Variants in PER2 observed in about 807,000 individuals in gnomAD.
The protein encoded by PER2 is period circadian protein homolog 2.
A neutral mutation model predicts 121.0 loss-of-function variants in PER2; 66 were observed. The ratio of observed to expected loss-of-function variants is 0.55; its 90% confidence interval spans 0.45 to 0.67. The LOEUF (loss-of-function observed/expected upper bound fraction) is 0.67. PER2 is among the 30% of genes least tolerant of loss of function. The pLI, the probability that PER2 is intolerant of heterozygous loss-of-function variation, is 0.00. For synonymous variants in PER2, 684 were observed against 659.9 expected (o/e 1.04, Z -0.56); for missense variants, 1,521 against 1,635.0 (o/e 0.93, Z 1.20).
rs1696067646 is a variant in PER2, at chr2:238,265,595, A to G, written c.968-5T>C. 1 of 1,550,016 alleles carries G rather than the reference A, an allele frequency of 6.5e-7. No homozygotes were observed. Among genetic ancestry groups the G allele is most frequent in the African/African-American group, 1.4e-5 (1 of 73,702 alleles). Reference sequence around the variant, plus strand: ...TTTCAGGAGGAATTCTAGGGGCTGAAAGAACAGAATATTGCACACATTTGT... The same window carrying G: ...TTTCAGGAGGAATTCTAGGGGCTGAGAGAACAGAATATTGCACACATTTGT... On this transcript the variant is annotated splice_region_variant and splice_polypyrimidine_tract_variant and intron_variant, in intron 8 of 22. Coordinates refer to ENST00000254657, the MANE Select transcript of PER2 (RefSeq NM_022817.3).
At position 238,246,736 on chromosome 2, in the gene PER2, C is replaced by T. The variant is rs999657692; in HGVS notation, c.3619-212G>A. On this transcript the variant is annotated intron_variant, in intron 22 of 22. Transcript: ENST00000254657. The stretch of plus-strand genomic sequence containing the variant: ...CTAATAATACAAAAAATTAGCTGGG[C>T]GTGGTGGCAGGCACCTGTAGTCCCA... Among the ~76,000 whole-genome samples, 5 of 152,260 alleles carry T rather than the reference C, an allele frequency of 3.3e-5. No homozygotes were observed. The East Asian group carries it at 5.8e-4, about 18-fold the overall frequency.
rs1388038662 is a variant in PER2, at chr2:238,277,906, G to A, written c.31C>T (p.Pro11Ser). Residue 11 changes from proline to serine, a missense_variant, in exon 2 of 23, where the codon CCC becomes TCC. By Grantham distance (74) the Pro-to-Ser change is moderately conservative. Transcript: ENST00000254657. MNGYAEFPPSPSNPTKEPVEP... is the reference protein window; with the variant it reads MNGYAEFPPSSSNPTKEPVEP... ...ACGGGCTCCTTGGTGGGGTTACTGG[G>A]GCTGGGCGGAAATTCCGCGTATCCA... 1 of 1,613,998 alleles carries A rather than the reference G, an allele frequency of 6.2e-7. No individual in the cohort carries two copies. The highest frequency in any genetic ancestry group is 8.5e-7 in the Non-Finnish European group (1 of 1,180,038).
chr2:238,299,487 A>T, the PER2 span: 1 of 152,258 alleles, frequency 6.6e-6, no homozygotes, highest in Non-Finnish European at 1.5e-5. Context: ...GGTTGCAGTG[A>T]GTCGAGATCA....
chr2:238,255,445 T>C, intron 18 of PER2: 1 of 632,310 alleles, frequency 1.6e-6, no homozygotes. Context: ...CTGGGACTAT[T>C]CCCCAGGGAA....
intron 1 of PER2, among the ~76,000 whole-genome samples, chr2:238,283,168 G>GC (rs1229523877): frequency 2.6e-5 from 4 of 152,208 alleles, no homozygotes; most frequent in African/African-American, 9.6e-5. Context: ...GGCAGAAAAT[G>GC]CCCCCTCCCT....
At position 238,288,367 on chromosome 2, in the gene PER2, C is replaced by G. The variant is rs903338231; in HGVS notation, c.-38G>C. ...GCCTCACCTTTCGGACCTCAGGCTCCTGAGCTGCGAAGCGGGGGTTCGAGT... is the reference window on the plus strand; with the variant it reads ...GCCTCACCTTTCGGACCTCAGGCTCGTGAGCTGCGAAGCGGGGGTTCGAGT... On this transcript the variant is annotated 5_prime_UTR_variant, in exon 1 of 23. Coordinates refer to ENST00000254657, the MANE Select transcript of PER2 (RefSeq NM_022817.3). The G allele has an allele frequency of 2.0e-5, 3 of 152,288 alleles. No homozygotes were observed. The highest frequency in any genetic ancestry group is 7.2e-5 in the African/African-American group (3 of 41,472). The allele number at this position is 152,288 out of a possible 1,614,324, so 9.4% of individuals were successfully genotyped here.
In PER2 at chr2:238,248,275, G is replaced by A. The variant is rs1002902149; in HGVS notation, c.3618+787C>T. ...AGGACTGAGAAGTGACACTGTGTTC[G>A]GCTGCTGGAGAACTTGAGACCTTGA... On this transcript the variant is annotated intron_variant, in intron 22 of 22. Coordinates refer to ENST00000254657, the MANE Select transcript of PER2 (RefSeq NM_022817.3). Among the ~76,000 whole-genome samples, 7 of 152,206 alleles carry A rather than the reference G, an allele frequency of 4.6e-5. 1 individual carries two copies. The highest frequency in any genetic ancestry group is 2.0e-4 in the Admixed American group (3 of 15,290).
At chr2:238,266,288 C>CT (rs1164812441) in intron 8 of PER2, among the ~76,000 whole-genome samples, 1,835 of 140,676 alleles carry the variant, frequency 0.013, 34 homozygotes, top group African/African-American at 0.039. Context: ...ATTCAAATTT[C>CT]TTTTTTTTTT....
chr2:238,262,488 ACCT>A (rs916741598), intron 10 of PER2, 144 bp from the exon 11 acceptor site: 29 of 747,446 alleles, frequency 3.9e-5, no homozygotes, highest in Non-Finnish European at 6.0e-5. Flanking sequence ...ACTGCTTTCA[ACCT>A]CCTGTTTTTG....
At chr2:238,281,025 G>T (rs111485026) in intron 1 of PER2, among the ~76,000 whole-genome samples, 4,595 of 145,458 alleles carry the variant, frequency 0.032, 135 homozygotes, top group South Asian at 0.068. Flanking sequence ...TTTTTTTTGA[G>T]AGGGAGTCTT....
chr2:238,268,331 C>A lies in PER2; in HGVS notation c.825-133G>T, dbSNP rs2106313951. On this transcript the variant is annotated intron_variant, in intron 7 of 22. Coordinates refer to ENST00000254657, the MANE Select transcript of PER2 (RefSeq NM_022817.3). The surrounding 1 kb of genome is among the most constrained non-coding windows in gnomAD (Gnocchi z 4.0). Reference sequence around the variant, plus strand: ...CTCTGCTCTGCCTGAGGAGCTGGGCCTGCCCCCTGCCCTCTTCGGTCCCTC... The same window carrying A: ...CTCTGCTCTGCCTGAGGAGCTGGGCATGCCCCCTGCCCTCTTCGGTCCCTC... The A allele has an allele frequency of 3.4e-6, 3 of 877,558 alleles. No individual in the cohort carries two copies. The South Asian group carries it at 4.3e-5, about 12-fold the overall frequency. 54.4% of individuals were successfully genotyped at this position (877,558 alleles called of 1,614,324 possible). A position where few individuals can be genotyped will look rare whatever the true frequency, so the allele number is the denominator to read the frequency against.
rs769722840 is a variant in PER2, at chr2:238,257,065, A to C, written c.1922T>G (p.Val641Gly). 1.2e-6 allele frequency: 2 copies of C among 1,612,716 alleles called. No individual in the cohort carries two copies. The highest frequency in any genetic ancestry group is 1.1e-5 in the South Asian group (1 of 91,064). ...HAGEAEPPSR[V>G]NSRTGVGTHL... is the part of the protein sequence containing the mutation. ...CGTACCTACTCCCGTGCGGCTGTTCACCCTGGAGGGCGGCTCTGCCTCTTC... is the reference window on the plus strand; with the variant it reads ...CGTACCTACTCCCGTGCGGCTGTTCCCCCTGGAGGGCGGCTCTGCCTCTTC... Residue 641 changes from valine to glycine, a missense_variant, in exon 17 of 23, where the codon GTG becomes GGG. Coordinates refer to ENST00000254657, the MANE Select transcript of PER2 (RefSeq NM_022817.3).
chr2:238,247,680 G>A (rs957636293), intron 22 of PER2, among the ~76,000 whole-genome samples: 14 of 152,228 alleles, frequency 9.2e-5, no homozygotes, highest in African/African-American at 3.4e-4. Context: ...CTGGGCATGT[G>A]CGAAGATCCT....
rs989732939 is a variant in PER2, at chr2:238,252,377, G to T, written c.3111+535C>A. ...CTGGCGTTCCCACACACTTGAGCTC[G>T]TTCAGAAACACAAGCGTTTAACTGC... On this transcript the variant is annotated intron_variant, in intron 19 of 22. Transcript: ENST00000254657. This position sits in a 1 kb window ranked among gnomAD's most constrained non-coding sequence, Gnocchi z 4.2. Among the ~76,000 whole-genome samples, 1 of 152,218 alleles carries T rather than the reference G, an allele frequency of 6.6e-6. No homozygotes were observed. The highest frequency in any genetic ancestry group is 1.5e-5 in the Non-Finnish European group (1 of 68,048).
At chr2:238,269,622 C>A (rs1430819683) in intron 6 of PER2, among the ~76,000 whole-genome samples, 2 of 151,414 alleles carry the variant, frequency 1.3e-5, no homozygotes, top group Admixed American at 6.6e-5. Flanking sequence ...AACACACTCA[C>A]GGTGCACTGC....
At chr2:238,262,103 C>T (rs1695951025) in intron 11 of PER2, 88 bp downstream of exon 11, 2 of 1,302,038 alleles carry the variant, frequency 1.5e-6, no homozygotes, top group African/African-American at 1.5e-5. Flanking sequence ...CTCAGCCCCT[C>T]CCTATGCCAT....
At chr2:238,280,241 T>C (rs968197670) in intron 1 of PER2, among the ~76,000 whole-genome samples, 4 of 151,990 alleles carry the variant, frequency 2.6e-5, no homozygotes, top group South Asian at 2.1e-4. Context: ...AGCATCCCCT[T>C]CCCCAGGTCG....
chr2:238,269,151 T>TA (rs1336840406), intron 6 of PER2, among the ~76,000 whole-genome samples, 177 bp from the exon 7 acceptor site: 5 of 152,258 alleles, frequency 3.3e-5, no homozygotes, highest in African/African-American at 9.6e-5. Context: ...CATTTTTGAC[T>TA]AAAATTACAT....
rs1210482999 is a variant in PER2, at chr2:238,258,375, C to T, written c.1801G>A (p.Ala601Thr). The change falls in exon 16 of 23, where the codon GCC (alanine) becomes ACC (threonine). Residue 601 changes from alanine to threonine, a missense_variant. Ala to Thr is a moderately conservative substitution (Grantham distance 58). Coordinates refer to ENST00000254657, the MANE Select transcript of PER2 (RefSeq NM_022817.3). ...AACTCGCATTTCCTCTTCAGGGTGG[C>T]AGCCTCATTGCAGCTCTCCAAGTAC... The part of the protein sequence containing the change: ...IRYLESCNEA[A>T]TLKRKCEFPA... The T allele has an allele frequency of 3.1e-6, 5 of 1,614,074 alleles. No individual in the cohort carries two copies. The highest frequency in any genetic ancestry group is 1.6e-4 in the Middle Eastern group (1 of 6,084).
Sources: gnomAD v4.1 joint callset for allele counts (sites outside exome capture counted in the v4.1 genomes callset) on GRCh38, gnomAD v4.1.1 for gene constraint, Gnocchi (gnomAD v3.1) non-coding constraint, MANE v1.5 for transcripts, NCBI Gene and HGNC (gene_info 2026-07-23, HGNC 2026-07-21) for gene names.